The following RNLS variants were observed in gnomAD, a reference collection of about 807,000 sequenced individuals.
RNLS encodes renalase, FAD dependent amine oxidase.
A neutral mutation model predicts 39.8 loss-of-function variants in RNLS; 39 were observed. That is an observed-to-expected ratio of 0.98 (90% confidence interval 0.76 to 1.28). The LOEUF is 1.28. Among genes scored for constraint, RNLS ranks in the 50% most tolerant of loss-of-function variants. RNLS has a pLI of 0.00. For synonymous variants in RNLS, 147 were observed against 150.7 expected, an observed-to-expected ratio of 0.98 and a Z score of 0.18; for missense variants, 410 against 413.3, an observed-to-expected ratio of 0.99 and a Z score of 0.07.
chr10:88,227,028 A>G, the RNLS span, among the ~76,000 whole-genome samples: 1 of 152,208 alleles, frequency 6.6e-6, no homozygotes, highest in Admixed American at 6.5e-5. Context: ...ATAAAGTTTT[A>G]GTAGAACACA....
chr10:88,277,757 T>G lies in RNLS; in HGVS notation c.877-2725A>C, dbSNP rs911242318. On this transcript the variant is annotated intron_variant, in intron 6 of 6. Coordinates refer to the RNLS transcript ENST00000371947. Reference sequence around the variant, plus strand: ...CATGCCTTAATGCATACCCTAGAAATTTTAGAACATTGATGTAAGAATCTT... The same window carrying G: ...CATGCCTTAATGCATACCCTAGAAAGTTTAGAACATTGATGTAAGAATCTT... 9.2e-5 allele frequency among the ~76,000 whole-genome samples: 14 copies of G among 152,292 alleles called. No homozygotes were observed. In the South Asian group the frequency reaches 2.5e-3, roughly 27 times the overall value.
intron 4 of RNLS, among the ~76,000 whole-genome samples, chr10:88,462,162 C>T (rs747909712): frequency 1.3e-5 from 2 of 151,848 alleles, no homozygotes; most frequent in Non-Finnish European, 2.9e-5. Context: ...AAACCACTGA[C>T]CAGACAATAG....
chr10:88,559,434 G>A (rs1849050087), intron 4 of RNLS, among the ~76,000 whole-genome samples: 2 of 152,150 alleles, frequency 1.3e-5, no homozygotes, highest in South Asian at 2.1e-4. Flanking sequence ...TTCAACAGAT[G>A]TTCCCCTCCA....
At chr10:88,436,535 C>A (rs1314233277) in intron 4 of RNLS, among the ~76,000 whole-genome samples, 1 of 152,106 alleles carries the variant, frequency 6.6e-6, no homozygotes, top group East Asian at 1.9e-4. Context: ...CAAGCTTTTA[C>A]CATTTAATAT....
At chr10:88,526,598 AC>A (rs1847112892) in intron 4 of RNLS, among the ~76,000 whole-genome samples, 4 of 151,868 alleles carry the variant, frequency 2.6e-5, no homozygotes. Flanking sequence ...CCCTACCTCT[AC>A]AAAAAAATTT....
the RNLS span, among the ~76,000 whole-genome samples, chr10:88,203,268 G>GTGTA: frequency 6.0e-4 from 10 of 16,796 alleles, 2 homozygotes; most frequent in East Asian, 0.015. Context: ...GTGTGTGTAT[G>GTGTA]TATATATATA....
intron 4 of RNLS, among the ~76,000 whole-genome samples, chr10:88,400,057 C>A (rs765486006): frequency 6.6e-6 from 1 of 152,012 alleles, no homozygotes; most frequent in Non-Finnish European, 1.5e-5. Flanking sequence ...TTCTTTGCCA[C>A]TCTCTTATAG....
At chr10:88,375,919 C>A (rs1850956422) in intron 4 of RNLS, among the ~76,000 whole-genome samples, 1 of 151,982 alleles carries the variant, frequency 6.6e-6, no homozygotes, top group South Asian at 2.1e-4. Context: ...CTTGGCACTT[C>A]CAGGGGATGG....
In RNLS at chr10:88,341,375, G is replaced by T. The variant is rs1030141293; in HGVS notation, c.700+21177C>A. 6.6e-5 allele frequency among the ~76,000 whole-genome samples: 10 copies of T among 151,160 alleles called. No individual in the cohort carries two copies. In the East Asian group the frequency reaches 1.9e-3, roughly 29 times the overall value. On this transcript the variant is annotated intron_variant, in intron 5 of 6. Transcript: ENST00000331772. The stretch of plus-strand genomic sequence containing the variant: ...AGAATGAGAACAAACAAGAATATTG[G>T]CTGTATCATTCACCAGAATACCTAG...
At chr10:88,321,513 G>A (rs1194232738) in intron 5 of RNLS, among the ~76,000 whole-genome samples, 1 of 152,018 alleles carries the variant, frequency 6.6e-6, no homozygotes, top group Non-Finnish European at 1.5e-5. Flanking sequence ...GAAATGAAAA[G>A]TTGGTTCTCT....
intron 5 of RNLS, among the ~76,000 whole-genome samples, chr10:88,336,506 C>T (rs979348483): frequency 2.6e-5 from 4 of 152,124 alleles, no homozygotes; most frequent in Non-Finnish European, 4.4e-5. Context: ...AAACCCCACA[C>T]GATGAATTGA....
At chr10:88,259,289 C>T in the RNLS span, 1 of 152,324 alleles carries the variant, frequency 6.6e-6, no homozygotes, top group Admixed American at 6.5e-5. Flanking sequence ...CAATCTCCAA[C>T]TTGGCAGAAA....
intron 6 of RNLS, among the ~76,000 whole-genome samples, chr10:88,306,015 C>G (rs1844890056): frequency 6.6e-6 from 1 of 152,046 alleles, no homozygotes; most frequent in East Asian, 1.9e-4. Flanking sequence ...GAAATCAAGA[C>G]TAAGACATTC....
At chr10:88,279,084 G>A (rs1385113951) in intron 6 of RNLS, among the ~76,000 whole-genome samples, 1 of 152,160 alleles carries the variant, frequency 6.6e-6, no homozygotes, top group Non-Finnish European at 1.5e-5. Flanking sequence ...TCGGCTGGGG[G>A]AGAACACAGT....
intron 5 of RNLS, among the ~76,000 whole-genome samples, chr10:88,314,884 G>T (rs1845641245): frequency 6.6e-6 from 1 of 152,138 alleles, no homozygotes; most frequent in South Asian, 2.1e-4. Context: ...CTAAAGAACT[G>T]GAAGAAAGGG....
At chr10:88,337,481 T>TA (rs1847588237) in intron 5 of RNLS, among the ~76,000 whole-genome samples, 1 of 152,178 alleles carries the variant, frequency 6.6e-6, no homozygotes, top group African/African-American at 2.4e-5. Flanking sequence ...AATGGGTACA[T>TA]AACTAAAGCC....
chr10:88,350,789 T>A (rs1271419572), intron 5 of RNLS, among the ~76,000 whole-genome samples: 1 of 152,206 alleles, frequency 6.6e-6, no homozygotes, highest in East Asian at 1.9e-4. Flanking sequence ...TAGTTCTAGA[T>A]CCCTGAGGAA....
chr10:88,257,392 C>G, the RNLS span, among the ~76,000 whole-genome samples: 2 of 152,136 alleles, frequency 1.3e-5, no homozygotes, highest in African/African-American at 4.8e-5. Flanking sequence ...AGCGTGCACA[C>G]TATATTGGCT....
At chr10:88,210,021 A>G in the RNLS span, among the ~76,000 whole-genome samples, 2 of 152,226 alleles carry the variant, frequency 1.3e-5, no homozygotes, top group Non-Finnish European at 2.9e-5. Flanking sequence ...GCTTCCAAAA[A>G]TGTTTGTGCA....
Sources: gnomAD v4.1 joint callset for allele counts (sites outside exome capture counted in the v4.1 genomes callset) on GRCh38, gnomAD v4.1.1 for gene constraint, MANE v1.5 for transcripts, NCBI Gene and HGNC (gene_info 2026-07-23, HGNC 2026-07-21) for gene names.